Variants in PKD2L2 observed in about 807,000 individuals in gnomAD.
PKD2L2 encodes the protein polycystin 2 like 2, transient receptor potential cation channel.
Under a neutral mutation model 83.9 loss-of-function variants are expected in PKD2L2, and 67 were observed. That is an observed-to-expected ratio of 0.80 (90% CI 0.66 to 0.98). The LOEUF (loss-of-function observed/expected upper bound fraction) is 0.98, where lower values mean the gene tolerates loss of function less well. Ranked by LOEUF, PKD2L2 falls within the 50% of genes least tolerant of loss-of-function variation. The pLI, the probability that PKD2L2 is intolerant of heterozygous loss-of-function variation, is 0.00. For synonymous variants in PKD2L2, 223 were observed against 237.8 expected, an observed-to-expected ratio of 0.94 and a Z score of 0.57; for missense variants, 632 against 717.2, an observed-to-expected ratio of 0.88 and a Z score of 1.36.
chr5:137,896,612 A>G (rs79919792), intron 4 of PKD2L2, among the ~76,000 whole-genome samples: 2,281 of 152,064 alleles, frequency 0.015, 27 homozygotes, highest in Non-Finnish European at 0.025. Flanking sequence ...GGGTCTTTCT[A>G]TGTTACCCAG....
intron 9 of PKD2L2, among the ~76,000 whole-genome samples, chr5:137,922,225 T>G (rs950465768): frequency 6.6e-6 from 1 of 152,244 alleles, no homozygotes. Context: ...TAAGGCACTG[T>G]ACTGTCCTCC....
intron 8 of PKD2L2, among the ~76,000 whole-genome samples, chr5:137,910,401 T>C (rs921206868): frequency 3.3e-5 from 5 of 151,840 alleles, no homozygotes; most frequent in South Asian, 2.1e-4. Flanking sequence ...AACTTTGAAA[T>C]GGGTTAATGA....
chr5:137,916,848 G>A (rs1758403846), intron 8 of PKD2L2, among the ~76,000 whole-genome samples: 1 of 152,062 alleles, frequency 6.6e-6, no homozygotes, highest in Non-Finnish European at 1.5e-5. Flanking sequence ...AGTTTCTGAT[G>A]AGAAATATGC....
At chr5:137,918,944 A>G (rs1283706923) in intron 8 of PKD2L2, among the ~76,000 whole-genome samples, 1 of 146,220 alleles carries the variant, frequency 6.8e-6, no homozygotes, top group Non-Finnish European at 1.5e-5. Context: ...GGCCTGCACA[A>G]TGTGTGTGTG....
rs1756083260 is a variant in PKD2L2, at chr5:137,892,615, TAAA to T, written c.267+3_267+5del. 2 of 1,610,650 alleles carry T rather than the reference TAAA, an allele frequency of 1.2e-6. No homozygotes were observed. The highest frequency in any genetic ancestry group is 1.3e-5 in the African/African-American group (1 of 74,748). On this transcript the variant is annotated splice_donor_5th_base_variant and intron_variant, in intron 3 of 14. Transcript: ENST00000508883. The stretch of plus-strand genomic sequence containing the variant: ...CGCAGCATAACTGATTTTTGGAAGG[TAAA>T]GTATCTTGTGACTGTGGATGAAGTA...
intron 8 of PKD2L2, among the ~76,000 whole-genome samples, chr5:137,909,879 A>G (rs928751410): frequency 1.3e-5 from 2 of 152,066 alleles, no homozygotes; most frequent in Non-Finnish European, 2.9e-5. Context: ...CCATCTTAAT[A>G]TTTTTATTGA....
intron 5 of PKD2L2, among the ~76,000 whole-genome samples, chr5:137,905,912 C>G (rs1210340121): frequency 2.0e-5 from 3 of 151,784 alleles, no homozygotes; most frequent in Non-Finnish European, 4.4e-5. Flanking sequence ...TATGAACAAG[C>G]AAGCTGAACA....
chr5:137,902,298 A>T (rs1171500853), intron 5 of PKD2L2, among the ~76,000 whole-genome samples: 2 of 152,230 alleles, frequency 1.3e-5, no homozygotes, highest in East Asian at 3.9e-4. Context: ...AAAATGAAAA[A>T]AAAAAGTCAG....
chr5:137,927,969 G>C (rs1753996854), intron 12 of PKD2L2, among the ~76,000 whole-genome samples: 1 of 151,540 alleles, frequency 6.6e-6, no homozygotes, highest in African/African-American at 2.4e-5. Flanking sequence ...GACGTGAATT[G>C]AAAGACATAC....
intron 1 of PKD2L2, among the ~76,000 whole-genome samples, chr5:137,889,789 G>C (rs1236021119): frequency 6.6e-6 from 1 of 152,222 alleles, no homozygotes; most frequent in African/African-American, 2.4e-5. Context: ...CGCTAGGCCG[G>C]TCTCTAAAGT....
intron 5 of PKD2L2, among the ~76,000 whole-genome samples, chr5:137,903,717 C>CACAATGTGATGTTACAATGTGA (rs1757142614): frequency 1.3e-5 from 2 of 152,116 alleles, no homozygotes; most frequent in African/African-American, 4.8e-5. Context: ...TGTGATGTTA[C>CACAATGTGATGTTACAATGTGA]TTTTCCACAT....
At chr5:137,897,914 T>C (rs545872259) in intron 4 of PKD2L2, among the ~76,000 whole-genome samples, 13 of 152,158 alleles carry the variant, frequency 8.5e-5, no homozygotes, top group Middle Eastern at 3.4e-3. Context: ...AAAGCTTTCT[T>C]TTTTTGGATA....
At position 137,896,313 on chromosome 5, in the gene PKD2L2, C is replaced by A. The variant is rs145747213; in HGVS notation, c.524+1704C>A. 1.0e-3 allele frequency among the ~76,000 whole-genome samples: 156 copies of A among 152,268 alleles called. 1 individual carries two copies. Among genetic ancestry groups the A allele is most frequent in the African/African-American group, 3.7e-3 (152 of 41,574 alleles). The stretch of plus-strand genomic sequence containing the variant: ...TCTCCAGAAGCAGCTACTTTTAACT[C>A]TTTTATAGTTGTTTCTTCTGGTATA... On this transcript the variant is annotated intron_variant, in intron 4 of 14. Coordinates refer to ENST00000508883, the MANE Select transcript of PKD2L2 (RefSeq NM_001300921.2).
Position 137,925,911 on chromosome 5 carries a change from A to G in PKD2L2, c.1653A>G (p.Arg551=). 1 of 1,596,198 alleles carries G rather than the reference A, an allele frequency of 6.3e-7. No homozygotes were observed. Among genetic ancestry groups the G allele is most frequent in the African/African-American group, 1.3e-5 (1 of 74,826 alleles). Residue 551 remains arginine, a synonymous_variant, in exon 12 of 15, where the codon AGA becomes AGG. Transcript: ENST00000508883. The part of the protein sequence containing the change: ...GSGDLAEQAR[R]EGFDENEIQN... ...GAGATTTGGCTGAACAAGCCAGAAG[A>G]GAAGGCTTTGACGAAAATGTAAGAT...
At chr5:137,921,052 G>C (rs754287466) in intron 8 of PKD2L2, among the ~76,000 whole-genome samples, 8 of 152,124 alleles carry the variant, frequency 5.3e-5, no homozygotes, top group Non-Finnish European at 8.8e-5. Flanking sequence ...TAGTAAACAG[G>C]TATCTCAGGT....
At chr5:137,922,607 G>A (rs557088941) in intron 9 of PKD2L2, among the ~76,000 whole-genome samples, 1 of 152,040 alleles carries the variant, frequency 6.6e-6, no homozygotes, top group South Asian at 2.1e-4. Flanking sequence ...GCGTGGTGAT[G>A]TACACCTATA....
chr5:137,927,983 G>A (rs1759516480), intron 12 of PKD2L2, among the ~76,000 whole-genome samples: 2 of 151,810 alleles, frequency 1.3e-5, no homozygotes, highest in African/African-American at 2.4e-5. Flanking sequence ...GACATACTGT[G>A]TATATGGGAA....
At chr5:137,910,469 G>A (rs921098890) in intron 8 of PKD2L2, among the ~76,000 whole-genome samples, 2 of 151,738 alleles carry the variant, frequency 1.3e-5, no homozygotes, top group Non-Finnish European at 2.9e-5. Context: ...CTCCTCTTGA[G>A]GACAATTTTA....
chr5:137,940,046 C>T (rs1761176022), intron 14 of PKD2L2: 1 of 1,613,610 alleles, frequency 6.2e-7, no homozygotes, highest in Admixed American at 1.7e-5. Context: ...ACTTACGCTC[C>T]CTTGAGAGGG....
Sources: allele counts gnomAD v4.1 joint callset (sites outside exome capture counted in the v4.1 genomes callset), GRCh38; gene constraint gnomAD v4.1.1; transcripts MANE v1.5; gene names NCBI Gene and HGNC (gene_info 2026-07-23, HGNC 2026-07-21).